The following PACSIN2 variants were observed in gnomAD, a reference collection of about 807,000 sequenced individuals.
PACSIN2 encodes protein kinase C and casein kinase substrate in neurons protein 2.
PACSIN2 carries 25 observed loss-of-function variants against 63.8 expected under a neutral mutation model. The ratio of observed to expected loss-of-function variants is 0.39; its 90% CI spans 0.29 to 0.55. The LOEUF is 0.55. Ranked by LOEUF, PACSIN2 falls within the 20% of genes least tolerant of loss-of-function variation. PACSIN2 has a pLI of 0.62. For missense variants in PACSIN2, 518 were observed against 646.9 expected (o/e 0.80, Z 2.16); for synonymous variants, 255 against 256.2 (o/e 1.00, Z 0.05).
intron 1 of PACSIN2, among the ~76,000 whole-genome samples, chr22:42,946,181 T>C (rs1014360858): frequency 2.6e-5 from 4 of 152,238 alleles, no homozygotes; most frequent in African/African-American, 9.6e-5. Flanking sequence ...TCCTTCCAAT[T>C]ACTTTTATAA....
chr22:42,871,190 G>A lies in PACSIN2; in HGVS notation c.*167C>T. The A allele has an allele frequency of 1.6e-6, 1 of 624,122 alleles. No individual in the cohort carries two copies. The highest frequency in any genetic ancestry group is 2.9e-6 in the Non-Finnish European group (1 of 343,962). 38.7% of individuals were successfully genotyped at this position (624,122 alleles called of 1,614,324 possible). A position where few individuals can be genotyped will look rare whatever the true frequency, so the allele number is the denominator to read the frequency against. On this transcript the variant is annotated 3_prime_UTR_variant, in exon 11 of 11. Transcript: ENST00000263246. The surrounding 1 kb of genome is among the most constrained non-coding windows in gnomAD (Gnocchi z 5.4). ...TCCCTCCAGCTGCACTCGGAAAGGTGCCGAGTCCCAGGCGAAATGACCAGC... is the reference window on the plus strand; with the variant it reads ...TCCCTCCAGCTGCACTCGGAAAGGTACCGAGTCCCAGGCGAAATGACCAGC...
At chr22:42,989,114 C>T (rs977436666) in intron 1 of PACSIN2, among the ~76,000 whole-genome samples, 5 of 152,124 alleles carry the variant, frequency 3.3e-5, no homozygotes, top group African/African-American at 4.8e-5. Context: ...CCTAGGCTCA[C>T]GAAATCCTCC....
intron 1 of PACSIN2, among the ~76,000 whole-genome samples, chr22:42,919,382 ATCCC>A (rs1932016968): frequency 6.6e-6 from 1 of 152,186 alleles, no homozygotes; most frequent in African/African-American, 2.4e-5. Context: ...CAAATGAGTC[ATCCC>A]TGGTCTTTCC....
chr22:42,883,423 C>T (rs1034107721), intron 6 of PACSIN2, among the ~76,000 whole-genome samples: 6 of 152,154 alleles, frequency 3.9e-5, no homozygotes, highest in South Asian at 2.1e-4. Context: ...AGCCTTGACC[C>T]GTGACGCATC....
At chr22:42,879,736 GCAGGTGCAAATAAAAC>G (rs987783539) in intron 7 of PACSIN2, among the ~76,000 whole-genome samples, 20 of 152,214 alleles carry the variant, frequency 1.3e-4, no homozygotes, top group South Asian at 2.1e-4. Context: ...ATGTGGAAAG[GCAGGTGCAAATAAAAC>G]CAGGTGCAAA....
At chr22:42,886,451 GGTATGTAT>G (rs138304512) in intron 5 of PACSIN2, among the ~76,000 whole-genome samples, 3 of 148,056 alleles carry the variant, frequency 2.0e-5, no homozygotes, top group South Asian at 2.1e-4. Context: ...TAGGTAGGTA[GGTATGTAT>G]GTACCTACCT....
chr22:42,932,067 G>A (rs185237895), intron 1 of PACSIN2, among the ~76,000 whole-genome samples: 5 of 151,908 alleles, frequency 3.3e-5, no homozygotes, highest in Non-Finnish European at 5.9e-5. Context: ...TAACTCCTCC[G>A]CTGTACTGCA....
intron 1 of PACSIN2, among the ~76,000 whole-genome samples, chr22:43,005,996 T>C (rs184417062): frequency 3.9e-4 from 59 of 152,226 alleles, no homozygotes; most frequent in Non-Finnish European, 6.5e-4. Context: ...TCTCACTATG[T>C]TACCCAGGCT....
intron 1 of PACSIN2, among the ~76,000 whole-genome samples, chr22:42,921,163 T>C (rs1932167388): frequency 6.6e-6 from 1 of 151,782 alleles, no homozygotes. Context: ...ATAGAGACCA[T>C]CTTGGCTAAC....
At chr22:42,876,043 C>T (rs1928587392) in intron 10 of PACSIN2, 94 bp downstream of exon 10, 3 of 1,091,784 alleles carry the variant, frequency 2.7e-6, no homozygotes, top group Middle Eastern at 6.1e-4. Context: ...GTGAAACTAG[C>T]AAGAACTTTT....
chr22:42,960,307 G>T (rs1934085286), intron 1 of PACSIN2, among the ~76,000 whole-genome samples: 1 of 152,148 alleles, frequency 6.6e-6, no homozygotes, highest in Non-Finnish European at 1.5e-5. Flanking sequence ...ATCTTACACT[G>T]TCCCTACATG....
intron 1 of PACSIN2, among the ~76,000 whole-genome samples, chr22:42,962,630 G>GGA (rs1569329344): frequency 6.6e-6 from 1 of 152,060 alleles, no homozygotes; most frequent in African/African-American, 2.4e-5. Context: ...CAGGGCAAGG[G>GGA]AAGGCCAGCC....
At chr22:42,976,694 A>G (rs1427423613) in intron 1 of PACSIN2, among the ~76,000 whole-genome samples, 2 of 152,228 alleles carry the variant, frequency 1.3e-5, no homozygotes, top group Non-Finnish European at 2.9e-5. Flanking sequence ...GTGAATTGTG[A>G]TGTATAACAT....
At chr22:43,014,676 G>A (rs116726902) in intron 1 of PACSIN2, among the ~76,000 whole-genome samples, 1,478 of 135,816 alleles carry the variant, frequency 0.011, 24 homozygotes, top group African/African-American at 0.039. Flanking sequence ...CTTAACCCCC[G>A]ACGGCCCTGC....
At chr22:42,967,750 TG>T (rs1214598363) in intron 1 of PACSIN2, among the ~76,000 whole-genome samples, 7 of 151,390 alleles carry the variant, frequency 4.6e-5, no homozygotes, top group Non-Finnish European at 8.8e-5. Flanking sequence ...TAGCCGGGCG[TG>T]GGGGTGGGCG....
At chr22:42,893,106 C>T (rs1366150966) in intron 3 of PACSIN2, among the ~76,000 whole-genome samples, 1 of 152,222 alleles carries the variant, frequency 6.6e-6, no homozygotes, top group Admixed American at 6.5e-5. Flanking sequence ...TAAAAATAAA[C>T]AGCTCTCAGT....
chr22:43,004,188 C>T (rs1923943655), intron 1 of PACSIN2, among the ~76,000 whole-genome samples: 1 of 152,148 alleles, frequency 6.6e-6, no homozygotes, highest in African/African-American at 2.4e-5. Flanking sequence ...CTGATGGTGA[C>T]CCTCTGAAGG....
chr22:42,915,475 G>A (rs2146730332), intron 1 of PACSIN2, among the ~76,000 whole-genome samples: 1 of 152,290 alleles, frequency 6.6e-6, no homozygotes, highest in Admixed American at 6.5e-5. Context: ...GTGACATCCT[G>A]TAGAATGCCT....
At position 43,010,385 on chromosome 22, in the gene PACSIN2, C is replaced by CATATATATATATAT. The variant is rs1253098949; in HGVS notation, c.-78+4622_-78+4635dup. Among the ~76,000 whole-genome samples, 61 of 66,124 alleles carry CATATATATATATAT rather than the reference C, an allele frequency of 9.2e-4. 1 individual carries two copies. Among genetic ancestry groups the CATATATATATATAT allele is most frequent in the African/African-American group, 3.4e-3 (59 of 17,202 alleles). The allele number at this position is 66,124 out of a possible 152,430, so 43.4% of individuals were successfully genotyped here. Reference sequence around the variant, plus strand: ...GGAATCCCATCTCTGTTTAAAAATACATATATATATATATTTTTTTTTAAT... The same window carrying CATATATATATATAT: ...GGAATCCCATCTCTGTTTAAAAATACATATATATATATATATATATATATATATTTTTTTTTAAT... On this transcript the variant is annotated intron_variant, in intron 1 of 10. Coordinates refer to ENST00000263246, the MANE Select transcript of PACSIN2 (RefSeq NM_001184970.3).
Sources: allele counts gnomAD v4.1 joint callset (sites outside exome capture counted in the v4.1 genomes callset), GRCh38; gene constraint gnomAD v4.1.1; non-coding constraint Gnocchi (gnomAD v3.1); transcripts MANE v1.5; gene names NCBI Gene and HGNC (gene_info 2026-07-23, HGNC 2026-07-21).